PDE3A: variants seen among roughly 807,000 people sequenced by gnomAD.
PDE3A encodes the protein cGMP-inhibited 3',5'-cyclic phosphodiesterase 3A.
In PDE3A, 43 loss-of-function variants were observed where a neutral mutation model predicts 98.3. That is an observed-to-expected ratio of 0.44 (90% confidence interval 0.34 to 0.56). PDE3A has a LOEUF of 0.56. Among genes scored for constraint, PDE3A ranks in the 20% least tolerant of loss-of-function variants. The pLI, the probability that PDE3A is intolerant of heterozygous loss-of-function variation, is 0.01. For missense variants in PDE3A, 1,427 were observed against 1,440.7 expected (o/e 0.99, Z 0.15); for synonymous variants, 663 against 567.9 (o/e 1.17, Z -2.38).
intron 2 of PDE3A, among the ~76,000 whole-genome samples, chr12:20,598,173 T>TAATTA (rs1433435302): frequency 4.0e-5 from 6 of 151,324 alleles, no homozygotes; most frequent in Non-Finnish European, 8.8e-5. Flanking sequence ...TTTCTTTTTT[T>TAATTA]AATTATTATT....
rs979047730 is a variant in PDE3A at position 20,423,219 on chromosome 12, T to C, written c.960+52975T>C. Among the ~76,000 whole-genome samples the C allele has an allele frequency of 2.2e-4, 33 of 152,194 alleles. 1 individual carries two copies. Among genetic ancestry groups the C allele is most frequent in the Admixed American group, 1.9e-3 (29 of 15,270 alleles). ...CAGATGTAAAATTGAGCCCAATAAA[T>C]CCTTGTGTTTTCATAGGTATGAAAG... On this transcript the variant is annotated intron_variant, in intron 1 of 15. Coordinates refer to ENST00000359062, the MANE Select transcript of PDE3A (RefSeq NM_000921.5).
chr12:20,386,063 TATATATAAAATATATATAA>T (rs1212238928), intron 1 of PDE3A, among the ~76,000 whole-genome samples: 35 of 81,246 alleles, frequency 4.3e-4, no homozygotes, highest in African/African-American at 1.8e-3. Context: ...TATATATAAA[TATATATAAAATATATATAA>T]ATATATAAAT....
intron 1 of PDE3A, among the ~76,000 whole-genome samples, chr12:20,396,952 A>T (rs1009722614): frequency 1.3e-5 from 2 of 152,084 alleles, no homozygotes; most frequent in African/African-American, 4.8e-5. Flanking sequence ...GCCATGTATT[A>T]ACTCTGTGGC....
rs1942212776 is a variant in PDE3A at position 20,551,857 on chromosome 12, T to TCC, written c.961-4803_961-4802insCC. 3 of 1,613,660 alleles carry TCC rather than the reference T, an allele frequency of 1.9e-6. No individual in the cohort carries two copies. In the African/African-American group the frequency reaches 4.0e-5, roughly 22 times the overall value. ...GGCCTGTGTGGGCCGCACCAAGGAA[T>TCC]GTACCATCATCCCGTCCAACCACTA... On this transcript the variant is annotated intron_variant, in intron 1 of 15. Coordinates refer to ENST00000359062, the MANE Select transcript of PDE3A (RefSeq NM_000921.5).
intron 1 of PDE3A, among the ~76,000 whole-genome samples, chr12:20,386,142 A>C (rs867674842): frequency 8.6e-4 from 24 of 28,056 alleles, no homozygotes; most frequent in African/African-American, 2.5e-3. Flanking sequence ...AATATATATA[A>C]ATATATATAT....
intron 15 of PDE3A, among the ~76,000 whole-genome samples, chr12:20,673,780 A>G (rs1432083597): frequency 1.3e-5 from 2 of 150,734 alleles, no homozygotes; most frequent in Middle Eastern, 3.4e-3. Flanking sequence ...GTGCACCAGC[A>G]TGGCACATGT....
chr12:20,507,333 T>C (rs1014219722), intron 1 of PDE3A, among the ~76,000 whole-genome samples: 1 of 152,050 alleles, frequency 6.6e-6, no homozygotes, highest in Non-Finnish European at 1.5e-5. Flanking sequence ...AAAGTTCAAG[T>C]CTGTAAAAAC....
chr12:20,593,674 G>A (rs1269065347), intron 2 of PDE3A, among the ~76,000 whole-genome samples: 1 of 152,160 alleles, frequency 6.6e-6, no homozygotes, highest in East Asian at 1.9e-4. Flanking sequence ...GTTTTGGTTA[G>A]TGATTTTGGT....
intron 1 of PDE3A, among the ~76,000 whole-genome samples, chr12:20,488,891 A>C (rs1308906677): frequency 6.6e-6 from 1 of 151,892 alleles, no homozygotes; most frequent in East Asian, 1.9e-4. Flanking sequence ...AAAAAAAAAA[A>C]AAAAGAGAAA....
At chr12:20,419,761 A>G in intron 1 of PDE3A, among the ~76,000 whole-genome samples, 1 of 116,626 alleles carries the variant, frequency 8.6e-6, no homozygotes, top group Non-Finnish European at 1.8e-5. Flanking sequence ...TTTTTGAGAC[A>G]AAGTCTCACT....
chr12:20,591,245 A>G (rs975466100), intron 2 of PDE3A, among the ~76,000 whole-genome samples: 3 of 152,188 alleles, frequency 2.0e-5, no homozygotes, highest in Non-Finnish European at 4.4e-5. Context: ...GTACAGTAAT[A>G]TACTATATTT....
chr12:20,570,136 G>C (rs1320259802), intron 2 of PDE3A, among the ~76,000 whole-genome samples: 3 of 152,030 alleles, frequency 2.0e-5, no homozygotes, highest in Non-Finnish European at 4.4e-5. Context: ...TTATCAACAC[G>C]GTGGCTCACG....
At chr12:20,489,754 TG>T (rs1472763272) in intron 1 of PDE3A, among the ~76,000 whole-genome samples, 1 of 152,196 alleles carries the variant, frequency 6.6e-6, no homozygotes, top group African/African-American at 2.4e-5. Flanking sequence ...ATTTAGATGT[TG>T]ATGACAGATG....
chr12:20,395,568 A>G lies in PDE3A; in HGVS notation c.960+25324A>G, dbSNP rs1375638849. Among the ~76,000 whole-genome samples the G allele has an allele frequency of 9.0e-5, 10 of 111,156 alleles. No homozygotes were observed. In the East Asian group the frequency reaches 9.7e-4, roughly 11 times the overall value. 72.9% of individuals were successfully genotyped at this position (111,156 alleles called of 152,430 possible). A position where few individuals can be genotyped will look rare whatever the true frequency, so the allele number is the denominator to read the frequency against. On this transcript the variant is annotated intron_variant, in intron 1 of 15. Coordinates refer to ENST00000359062, the MANE Select transcript of PDE3A (RefSeq NM_000921.5). ...TACTATGTGTACACATAGTATATAT[A>G]TACATAGTATTATATATGTATACTA... is the stretch of plus-strand genomic sequence containing the variant.
At chr12:20,592,782 T>C (rs1461639177) in intron 2 of PDE3A, among the ~76,000 whole-genome samples, 1 of 152,168 alleles carries the variant, frequency 6.6e-6, no homozygotes, top group Non-Finnish European at 1.5e-5. Context: ...CAGTAGGAGG[T>C]TGTGAGGACT....
At chr12:20,443,737 A>T (rs2120854924) in intron 1 of PDE3A, among the ~76,000 whole-genome samples, 1 of 152,306 alleles carries the variant, frequency 6.6e-6, no homozygotes, top group East Asian at 1.9e-4. Context: ...ACTTCCATGA[A>T]AATGAAATTT....
At chr12:20,377,943 C>G (rs536143631) in intron 1 of PDE3A, among the ~76,000 whole-genome samples, 1 of 151,794 alleles carries the variant, frequency 6.6e-6, no homozygotes, top group African/African-American at 2.4e-5. Context: ...TATCTAATGT[C>G]TCTTTAGAAA....
intron 1 of PDE3A, among the ~76,000 whole-genome samples, chr12:20,529,157 A>C (rs191099519): frequency 6.6e-6 from 1 of 152,270 alleles, no homozygotes. Context: ...TAGGTCAATT[A>C]CTACATGTAT....
intron 1 of PDE3A, among the ~76,000 whole-genome samples, chr12:20,460,785 C>T (rs764343147): frequency 5.9e-5 from 9 of 152,104 alleles, no homozygotes; most frequent in African/African-American, 1.4e-4. Flanking sequence ...TGGAACTTGG[C>T]GATCTCAGAG....
Sources: allele counts gnomAD v4.1 joint callset (sites outside exome capture counted in the v4.1 genomes callset), GRCh38; gene constraint gnomAD v4.1.1; transcripts MANE v1.5; gene names NCBI Gene and HGNC (gene_info 2026-07-23, HGNC 2026-07-21).